MMGT1: variants seen among roughly 807,000 people sequenced by gnomAD.
MMGT1 encodes the protein membrane magnesium transporter 1.
In MMGT1, 2 loss-of-function variants were observed where a neutral mutation model predicts 11.7. The ratio of observed to expected loss-of-function variants is 0.17; its 90% CI spans 0.07 to 0.54. The LOEUF is 0.54. Among genes scored for constraint, MMGT1 ranks in the 20% least tolerant of loss-of-function variants. MMGT1 has a pLI of 0.94. For missense variants in MMGT1, 74 were observed against 109.0 expected, an observed-to-expected ratio of 0.68 and a Z score of 1.43; for synonymous variants, 49 against 44.4, an observed-to-expected ratio of 1.10 and a Z score of -0.41.
chrX:135,970,858 G>C (rs2089215003), intron 2 of MMGT1, among the ~76,000 whole-genome samples, 200 bp downstream of exon 2: 1 of 111,793 alleles, frequency 8.9e-6, no homozygotes, highest in African/African-American at 3.3e-5. Context: ...GCAGTGAGCT[G>C]AGATCAGGCC....
At chrX:135,973,161 C>T (rs1224164014) in intron 1 of MMGT1, among the ~76,000 whole-genome samples, 2 of 111,852 alleles carry the variant, frequency 1.8e-5, no homozygotes, top group African/African-American at 3.3e-5. Context: ...TCTCCTGTAC[C>T]ACAGTGCCTC....
At position 135,965,006 on chromosome X, in the gene MMGT1, T is replaced by C. The variant is rs782589761; in HGVS notation, c.*18A>G. The C allele has an allele frequency of 1.7e-6, 2 of 1,200,316 alleles. No individual in the cohort carries two copies. The highest frequency in any genetic ancestry group is 5.9e-5 in the East Asian group (2 of 33,780). The stretch of plus-strand genomic sequence containing the variant: ...TCCAGCTCTGTGTCCTGTCCTATTA[T>C]TATAATTTGTAAAAATCTTAACGAC... On this transcript the variant is annotated 3_prime_UTR_variant, in exon 4 of 4. Coordinates refer to ENST00000305963, the MANE Select transcript of MMGT1 (RefSeq NM_173470.3).
intron 2 of MMGT1, among the ~76,000 whole-genome samples, chrX:135,968,009 C>T (rs1399076988): frequency 3.6e-5 from 4 of 111,279 alleles, no homozygotes; most frequent in Non-Finnish European, 5.7e-5. Context: ...TGCGCCACCA[C>T]GCCAGGCTAA....
chrX:135,967,331 TTA>T (rs1199400512), intron 3 of MMGT1, 57 bp downstream of exon 3: 1 of 735,523 alleles, frequency 1.4e-6, no homozygotes, highest in Non-Finnish European at 2.0e-6. Flanking sequence ...CTTTTTAAAA[TTA>T]TGTGAATACA....
chrX:135,964,888 G>A lies in MMGT1; in HGVS notation c.*136C>T, dbSNP rs1556611772. ...ATTGGATTAACAGTATATAAACAAG[G>A]GCCATGGTTTTTTTTACTAAAGTAG... On this transcript the variant is annotated 3_prime_UTR_variant, in exon 4 of 4. Transcript: ENST00000305963. 2 of 492,082 alleles carry A rather than the reference G, an allele frequency of 4.1e-6. No individual in the cohort carries two copies. Among genetic ancestry groups the A allele is most frequent in the African/African-American group, 4.7e-5 (2 of 42,278 alleles). The allele number at this position is 492,082 out of a possible 1,213,427, so 40.6% of individuals were successfully genotyped here.
At chrX:135,968,499 TTGTGTGTGTGTGTGTG>T (rs61012323) in intron 2 of MMGT1, among the ~76,000 whole-genome samples, 3 of 85,030 alleles carry the variant, frequency 3.5e-5, no homozygotes, top group East Asian at 3.8e-4. Flanking sequence ...CATTATGTCA[TTGTGTGTGTGTGTGTG>T]TGTGTGTGTG....
chrX:135,961,021 T>C lies in MMGT1; in HGVS notation c.*4003A>G, dbSNP rs2089151562. Among the ~76,000 whole-genome samples the C allele has an allele frequency of 8.9e-6, 1 of 112,069 alleles. No individual in the cohort carries two copies. The highest frequency in any genetic ancestry group is 1.9e-5 in the Non-Finnish European group (1 of 53,161). On this transcript the variant is annotated 3_prime_UTR_variant, in exon 4 of 4. Coordinates refer to ENST00000305963, the MANE Select transcript of MMGT1 (RefSeq NM_173470.3). The stretch of plus-strand genomic sequence containing the variant: ...TCATACATTATATGTGGAAGCATAC[T>C]GGGCAAAGATTTCTAGAGGACAATT...
At chrX:135,965,284 AT>A in intron 3 of MMGT1, 101 bp from the exon 4 acceptor site, 2 of 592,830 alleles carry the variant, frequency 3.4e-6, no homozygotes, top group Non-Finnish European at 5.3e-6. Flanking sequence ...TATGGGTTAT[AT>A]TTTTTAACAA....
intron 2 of MMGT1, among the ~76,000 whole-genome samples, chrX:135,967,894 G>A (rs1422522074): frequency 9.0e-6 from 1 of 110,538 alleles, no homozygotes; most frequent in Admixed American, 9.6e-5. Flanking sequence ...TTTCCCTCTT[G>A]TTATCCAGGC....
At chrX:135,966,437 T>C (rs781920369) in intron 3 of MMGT1, among the ~76,000 whole-genome samples, 1 of 111,273 alleles carries the variant, frequency 9.0e-6, no homozygotes, top group Non-Finnish European at 1.9e-5. Context: ...CTACTAAAAA[T>C]ACAAAAATTA....
Position 135,971,119 on chromosome X carries a change from C to A in MMGT1, c.80-9G>T. 1 of 1,133,852 alleles carries A rather than the reference C, an allele frequency of 8.8e-7. No homozygotes were observed. Among genetic ancestry groups the A allele is most frequent in the Non-Finnish European group, 1.2e-6 (1 of 828,436 alleles). The allele number at this position is 1,133,852 out of a possible 1,213,427, so 93.4% of individuals were successfully genotyped here. A position where few individuals can be genotyped will look rare whatever the true frequency, so the allele number is the denominator to read the frequency against. ...TCGCATATAAGAACGATCTATAAAC[C>A]AGAAGCATACCATTAAGGAAACTGT... is the stretch of plus-strand genomic sequence containing the variant. On this transcript the variant is annotated splice_polypyrimidine_tract_variant and intron_variant, in intron 1 of 3. Transcript: ENST00000305963.
chrX:135,972,648 T>C (rs1556612675), intron 1 of MMGT1, among the ~76,000 whole-genome samples: 4 of 112,164 alleles, frequency 3.6e-5, no homozygotes. Flanking sequence ...CTGTAGAAAA[T>C]GACACAGTAC....
chrX:135,971,640 C>T lies in MMGT1; in HGVS notation c.80-530G>A, dbSNP rs375870173. 8.0e-5 allele frequency among the ~76,000 whole-genome samples: 9 copies of T among 112,422 alleles called. No individual in the cohort carries two copies. In the East Asian group the frequency reaches 1.7e-3, roughly 21 times the overall value. ...AACTCTGAAATAGCACCACCACCAA[C>T]CACACAGTATGGACAAAATAATACT... On this transcript the variant is annotated intron_variant, in intron 1 of 3. Transcript: ENST00000305963.
rs1441969489 is a variant in MMGT1, at chrX:135,963,440, C to T, written c.*1584G>A. 1 of 111,939 alleles carries T rather than the reference C, an allele frequency of 8.9e-6. No homozygotes were observed. The highest frequency in any genetic ancestry group is 1.9e-5 in the Non-Finnish European group (1 of 53,171). 9.2% of individuals were successfully genotyped at this position (111,939 alleles called of 1,213,427 possible). A position where few individuals can be genotyped will look rare whatever the true frequency, so the allele number is the denominator to read the frequency against. ...ATGGAAGGAGCTTGTTTCTTGCATG[C>T]TATTTTATCATCATCACTTTAACCC... On this transcript the variant is annotated 3_prime_UTR_variant, in exon 4 of 4. Transcript: ENST00000305963.
chrX:135,965,179 AT>A lies in MMGT1; in HGVS notation c.240del (p.Phe81LeufsTer4). On this transcript the variant is annotated frameshift_variant, in exon 4 of 4. Transcript: ENST00000305963. LOFTEE classifies it high-confidence loss of function. The stretch of plus-strand genomic sequence containing the variant: ...GATGGGTGATTCCTTAACGTATCAA[AT>A]GTCCTTGAAAGAAGAAAAAAGCATC... Reference protein sequence around the residue: ...MDATSELKNKTFDTLRNHPSF... With the variant: ...MDATSELKNKXFDTLRNHPSF... 8.4e-7 allele frequency: 1 copy of A among 1,192,466 alleles called. No homozygotes were observed. Among genetic ancestry groups the A allele is most frequent in the Admixed American group, 2.3e-5 (1 of 44,415 alleles).
At chrX:135,971,535 A>C (rs1481298765) in intron 1 of MMGT1, among the ~76,000 whole-genome samples, 1 of 112,187 alleles carries the variant, frequency 8.9e-6, no homozygotes, top group Non-Finnish European at 1.9e-5. Context: ...GAAATACTAG[A>C]AACTTCTCAA....
At chrX:135,968,187 A>T (rs2089197063) in intron 2 of MMGT1, among the ~76,000 whole-genome samples, 1 of 111,721 alleles carries the variant, frequency 9.0e-6, no homozygotes, top group Non-Finnish European at 1.9e-5. Context: ...TGCAGAAAGC[A>T]TATGTACACA....
chrX:135,971,005 C>T (rs1413787001), intron 2 of MMGT1, 53 bp downstream of exon 2: 4 of 851,687 alleles, frequency 4.7e-6, no homozygotes, highest in Non-Finnish European at 6.8e-6. Flanking sequence ...TTATTACAAG[C>T]TATGTGGCTG....
intron 2 of MMGT1, among the ~76,000 whole-genome samples, chrX:135,970,834 G>A (rs992351644): frequency 1.8e-5 from 2 of 112,125 alleles, no homozygotes; most frequent in Non-Finnish European, 3.8e-5. Context: ...GTGTGAACCT[G>A]GGAGGCGGAG....
Sources: allele counts gnomAD v4.1 joint callset (sites outside exome capture counted in the v4.1 genomes callset), GRCh38; gene constraint gnomAD v4.1.1; transcripts MANE v1.5; gene names NCBI Gene and HGNC (gene_info 2026-07-23, HGNC 2026-07-21).